LINGO1: variants seen among roughly 807,000 people sequenced by gnomAD.
LINGO1 encodes leucine rich repeat and Ig domain containing 1.
A neutral mutation model predicts 37.3 loss-of-function variants in LINGO1; 11 were observed. The observed-to-expected ratio is 0.29, with a 90% CI of 0.19 to 0.49. LINGO1 has a LOEUF of 0.49. Ranked by LOEUF, LINGO1 falls within the 20% of genes least tolerant of loss-of-function variation. LINGO1 has a pLI of 0.99. For synonymous variants in LINGO1, 387 were observed against 403.0 expected, an observed-to-expected ratio of 0.96 and a Z score of 0.48; for missense variants, 585 against 878.2, an observed-to-expected ratio of 0.67 and a Z score of 4.22.
upstream of LINGO1, among the ~76,000 whole-genome samples, chr15:77,700,581 G>A (rs910421650): frequency 6.6e-6 from 1 of 152,218 alleles, no homozygotes; most frequent in African/African-American, 2.4e-5. Context: ...TGGTGGAGGA[G>A]GTGACTGGGG....
intron 3 of LINGO1, among the ~76,000 whole-genome samples, chr15:77,666,061 C>T (rs1400963976): frequency 2.0e-5 from 3 of 152,222 alleles, no homozygotes; most frequent in Non-Finnish European, 4.4e-5. Context: ...GTGCTTGGAC[C>T]CTCCAGAGGG....
chr15:77,700,574 TGGA>T (rs1216732215), upstream of LINGO1, among the ~76,000 whole-genome samples: 3 of 151,496 alleles, frequency 2.0e-5, no homozygotes, highest in East Asian at 5.8e-4. Context: ...GACTGGCTGG[TGGA>T]GGAGGTGACT....
At chr15:77,749,474 AG>A (rs1487820147) in intron 1 of LINGO1, among the ~76,000 whole-genome samples, 1 of 152,214 alleles carries the variant, frequency 6.6e-6, no homozygotes, top group Admixed American at 6.5e-5. Context: ...AGCCCTGGTA[AG>A]AAAACAAAAG....
intron 2 of LINGO1, among the ~76,000 whole-genome samples, chr15:77,721,792 C>T (rs1378473076): frequency 3.9e-5 from 6 of 152,048 alleles, no homozygotes; most frequent in Admixed American, 2.0e-4. Flanking sequence ...TGTATGACCT[C>T]GCAACTTCAT....
At chr15:77,658,521 A>G (rs977325041) in intron 3 of LINGO1, among the ~76,000 whole-genome samples, 5 of 152,254 alleles carry the variant, frequency 3.3e-5, no homozygotes, top group African/African-American at 1.2e-4. Flanking sequence ...GCTCAAGGCC[A>G]GGGGAAGGCA....
intron 2 of LINGO1, among the ~76,000 whole-genome samples, chr15:77,688,601 A>G (rs2075552089): frequency 6.6e-6 from 1 of 152,156 alleles, no homozygotes; most frequent in African/African-American, 2.4e-5. Context: ...CCCACCCGAG[A>G]TGCCCCTAGG....
intron 1 of LINGO1, among the ~76,000 whole-genome samples, chr15:77,803,119 G>A (rs532233275): frequency 6.6e-6 from 1 of 152,194 alleles, no homozygotes; most frequent in African/African-American, 2.4e-5. Flanking sequence ...CAGGGCTGGA[G>A]TGAAGCCCCT....
At chr15:77,732,520 C>T (rs1037472392) in intron 2 of LINGO1, among the ~76,000 whole-genome samples, 1 of 152,174 alleles carries the variant, frequency 6.6e-6, no homozygotes, top group African/African-American at 2.4e-5. Context: ...CAAGAGGTGC[C>T]CAGCAAATGC....
At chr15:77,776,464 G>GGGAGGAAGGCAGGAAGGCAGGAAA (rs2076643094) in intron 1 of LINGO1, among the ~76,000 whole-genome samples, 2 of 111,512 alleles carry the variant, frequency 1.8e-5, no homozygotes, top group African/African-American at 7.0e-5. Flanking sequence ...AAGGCAGGAA[G>GGGAGGAAGGCAGGAAGGCAGGAAA]GCAGGAAGGC....
chr15:77,692,849 T>C (rs139877980), intron 1 of LINGO1, among the ~76,000 whole-genome samples: 18 of 152,348 alleles, frequency 1.2e-4, no homozygotes, highest in Admixed American at 3.9e-4. Flanking sequence ...CCTCTGCCTC[T>C]AGCCCCAGCC....
intron 2 of LINGO1, among the ~76,000 whole-genome samples, chr15:77,680,429 G>A (rs60953548): frequency 4.6e-5 from 7 of 152,242 alleles, no homozygotes; most frequent in Non-Finnish European, 7.3e-5. Flanking sequence ...GTTAGAACAC[G>A]TTTGGGTGAC....
chr15:77,757,474 T>C (rs2076431855), intron 1 of LINGO1, among the ~76,000 whole-genome samples: 1 of 152,254 alleles, frequency 6.6e-6, no homozygotes, highest in Non-Finnish European at 1.5e-5. Flanking sequence ...CAGGGATTCC[T>C]TTCCATTTTC....
intron 3 of LINGO1, chr15:77,651,679 C>T (rs1236785679): frequency 6.6e-6 from 1 of 152,230 alleles, no homozygotes; most frequent in Non-Finnish European, 1.5e-5. Flanking sequence ...TGAAATCACA[C>T]TTTCCAAACA....
At chr15:77,724,918 T>G (rs1442970914) in intron 2 of LINGO1, among the ~76,000 whole-genome samples, 1 of 152,208 alleles carries the variant, frequency 6.6e-6, no homozygotes, top group Non-Finnish European at 1.5e-5. Context: ...CAGCAACTGC[T>G]TCCCAGACGG....
At chr15:77,700,594 C>T (rs1233015006), upstream of LINGO1, among the ~76,000 whole-genome samples, 1 of 152,122 alleles carries the variant, frequency 6.6e-6, no homozygotes, top group Non-Finnish European at 1.5e-5. Flanking sequence ...GACTGGGGCC[C>T]GAGCCTTGGG....
At chr15:77,695,032 G>T (rs565117785) in intron 1 of LINGO1, among the ~76,000 whole-genome samples, 7 of 152,168 alleles carry the variant, frequency 4.6e-5, no homozygotes, top group South Asian at 2.1e-4. Context: ...AGTTTGCCCT[G>T]ACAGACCCCA....
chr15:77,662,763 C>A (rs1218252915), intron 3 of LINGO1, among the ~76,000 whole-genome samples: 1 of 152,240 alleles, frequency 6.6e-6, no homozygotes, highest in Admixed American at 6.5e-5. Context: ...GACTCCTGAG[C>A]CATCCTGTGC....
At chr15:77,810,684 A>AAGT (rs1234490074) in intron 1 of LINGO1, among the ~76,000 whole-genome samples, 1 of 152,200 alleles carries the variant, frequency 6.6e-6, no homozygotes, top group African/African-American at 2.4e-5. Context: ...GATCATCTCT[A>AAGT]AGTACGCCTT....
intron 3 of LINGO1, among the ~76,000 whole-genome samples, chr15:77,650,477 G>T (rs993805459): frequency 2.6e-5 from 4 of 152,302 alleles, no homozygotes; most frequent in South Asian, 4.1e-4. Context: ...CATCCAGCAG[G>T]GGGCAGCCTG....
Sources: gnomAD v4.1 joint callset for allele counts (sites outside exome capture counted in the v4.1 genomes callset) on GRCh38, gnomAD v4.1.1 for gene constraint, MANE v1.5 for transcripts, NCBI Gene and HGNC (gene_info 2026-07-23, HGNC 2026-07-21) for gene names.